Variants in DOK6 observed in about 807,000 individuals in gnomAD.
DOK6 encodes docking protein 6.
Under a neutral mutation model 44.0 loss-of-function variants are expected in DOK6, and 22 were observed. The ratio of observed to expected loss-of-function variants is 0.50; its 90% confidence interval spans 0.36 to 0.71. DOK6 has a LOEUF of 0.71. Among genes scored for constraint, DOK6 ranks in the 30% least tolerant of loss-of-function variants. The pLI is 0.00. For missense variants in DOK6, 340 were observed against 416.4 expected (o/e 0.82, Z 1.60); for synonymous variants, 166 against 145.5 (o/e 1.14, Z -1.01).
intron 1 of DOK6, among the ~76,000 whole-genome samples, chr18:69,429,194 C>A (rs1277496041): frequency 6.6e-6 from 1 of 151,974 alleles, no homozygotes; most frequent in Non-Finnish European, 1.5e-5. Context: ...CTTCAGTTTA[C>A]CCCTGTGACT....
intron 2 of DOK6, among the ~76,000 whole-genome samples, chr18:69,596,063 A>G (rs1983733906): frequency 6.6e-6 from 1 of 152,188 alleles, no homozygotes; most frequent in South Asian, 2.1e-4. Context: ...CAATTGAGAG[A>G]AAATGATAGG....
At chr18:69,541,013 A>T (rs999025626) in intron 1 of DOK6, among the ~76,000 whole-genome samples, 1 of 152,152 alleles carries the variant, frequency 6.6e-6, no homozygotes, top group Non-Finnish European at 1.5e-5. Context: ...GGAGGAAGAA[A>T]AGAGTGTGTA....
intron 4 of DOK6, among the ~76,000 whole-genome samples, chr18:69,696,229 T>G (rs929155926): frequency 4.6e-5 from 7 of 152,220 alleles, no homozygotes; most frequent in African/African-American, 1.7e-4. Context: ...TGCTAACATT[T>G]GAGCACACAA....
chr18:69,590,718 A>G (rs1010442916), intron 2 of DOK6, among the ~76,000 whole-genome samples: 5 of 152,194 alleles, frequency 3.3e-5, no homozygotes, highest in Admixed American at 6.5e-5. Context: ...CAGTGTGATC[A>G]AGATAATGAA....
At chr18:69,619,406 C>T (rs1388703486) in intron 3 of DOK6, among the ~76,000 whole-genome samples, 1 of 152,170 alleles carries the variant, frequency 6.6e-6, no homozygotes, top group Non-Finnish European at 1.5e-5. Flanking sequence ...ATTTTTGTGC[C>T]GTCATACCAC....
At chr18:69,489,405 A>T (rs1980673182) in intron 1 of DOK6, among the ~76,000 whole-genome samples, 1 of 152,186 alleles carries the variant, frequency 6.6e-6, no homozygotes, top group East Asian at 1.9e-4. Flanking sequence ...AGGGAGGGTA[A>T]GCCCGTTTCC....
intron 2 of DOK6, among the ~76,000 whole-genome samples, chr18:69,597,580 G>A (rs547894726): frequency 6.6e-6 from 1 of 152,278 alleles, no homozygotes; most frequent in Admixed American, 6.5e-5. Context: ...TGCACTTGGG[G>A]AGCCATTTTT....
At chr18:69,546,382 C>T (rs1982404685) in intron 1 of DOK6, among the ~76,000 whole-genome samples, 1 of 151,410 alleles carries the variant, frequency 6.6e-6, no homozygotes, top group Non-Finnish European at 1.5e-5. Flanking sequence ...ACAATGATAG[C>T]ATGTGTCTGC....
chr18:69,548,147 G>T (rs1038367041), intron 1 of DOK6, among the ~76,000 whole-genome samples: 1 of 150,546 alleles, frequency 6.6e-6, no homozygotes, highest in South Asian at 2.1e-4. Context: ...TAGAGACGGG[G>T]TTTCACGGTG....
chr18:69,811,557 TATATATATATATATATATATCA>T (rs1458967612), intron 7 of DOK6, among the ~76,000 whole-genome samples: 202 of 15,606 alleles, frequency 0.013, 2 homozygotes, highest in South Asian at 0.051. Flanking sequence ...TATATATATA[TATATATATATATATATATATCA>T]AAACACTACG....
intron 3 of DOK6, among the ~76,000 whole-genome samples, chr18:69,669,803 A>C (rs139259960): frequency 9.1e-4 from 139 of 152,326 alleles, no homozygotes; most frequent in African/African-American, 3.2e-3. Context: ...AGCTTCAAGT[A>C]GATTTAATCA....
intron 1 of DOK6, among the ~76,000 whole-genome samples, chr18:69,562,254 T>C (rs1402083052): frequency 6.6e-6 from 1 of 152,158 alleles, no homozygotes; most frequent in Non-Finnish European, 1.5e-5. Context: ...AAATTATGGT[T>C]TGTGTCAGTG....
intron 1 of DOK6, among the ~76,000 whole-genome samples, chr18:69,492,749 T>C (rs1980769614): frequency 6.8e-6 from 1 of 146,616 alleles, no homozygotes; most frequent in African/African-American, 2.5e-5. Flanking sequence ...ATGGTTTCAT[T>C]CTTTTTCTAT....
intron 3 of DOK6, among the ~76,000 whole-genome samples, chr18:69,641,399 T>C (rs1688072935): frequency 6.6e-6 from 1 of 152,206 alleles, no homozygotes; most frequent in African/African-American, 2.4e-5. Context: ...TTATGCCAGT[T>C]GCTTACAAAA....
chr18:69,755,138 A>G (rs1979313381), intron 6 of DOK6, among the ~76,000 whole-genome samples: 1 of 152,246 alleles, frequency 6.6e-6, no homozygotes, highest in South Asian at 2.1e-4. Flanking sequence ...ACACGAAAAC[A>G]ATGAAGAGGG....
chr18:69,805,378 G>GT (rs1432495888), intron 7 of DOK6, among the ~76,000 whole-genome samples: 1 of 152,024 alleles, frequency 6.6e-6, no homozygotes, highest in Non-Finnish European at 1.5e-5. Flanking sequence ...CCCTTGTGAG[G>GT]TTTTATGAAA....
chr18:69,505,381 A>C (rs1420348009), intron 1 of DOK6, among the ~76,000 whole-genome samples: 1 of 152,028 alleles, frequency 6.6e-6, no homozygotes, highest in Admixed American at 6.6e-5. Context: ...TGAACTGTAG[A>C]AGCCTTAAAG....
intron 1 of DOK6, among the ~76,000 whole-genome samples, chr18:69,509,452 A>G (rs1431952272): frequency 3.9e-5 from 6 of 152,006 alleles, no homozygotes; most frequent in South Asian, 2.1e-4. Context: ...CCTGGCTAAC[A>G]TGGTGAAACC....
chr18:69,588,345 T>G (rs1265130091), intron 2 of DOK6, among the ~76,000 whole-genome samples: 1 of 152,210 alleles, frequency 6.6e-6, no homozygotes, highest in East Asian at 1.9e-4. Context: ...ATTCGGTAAC[T>G]CTTGCTAAAC....
Sources: gnomAD v4.1 joint callset for allele counts (sites outside exome capture counted in the v4.1 genomes callset) on GRCh38, gnomAD v4.1.1 for gene constraint, MANE v1.5 for transcripts, NCBI Gene and HGNC (gene_info 2026-07-23, HGNC 2026-07-21) for gene names.